ARHGEF3: variants seen among roughly 807,000 people sequenced by gnomAD.
ARHGEF3 encodes the protein Rho guanine nucleotide exchange factor 3, also known as 59.8 kDA protein.
In ARHGEF3, 28 loss-of-function variants were observed where a neutral mutation model predicts 63.2. The ratio of observed to expected loss-of-function variants is 0.44; its 90% CI spans 0.33 to 0.61. The LOEUF (loss-of-function observed/expected upper bound fraction) is 0.61. Ranked by LOEUF, ARHGEF3 falls within the 20% of genes least tolerant of loss-of-function variation. The pLI, the probability that ARHGEF3 is intolerant of heterozygous loss-of-function variation, is 0.03. For synonymous variants in ARHGEF3, 266 were observed against 254.2 expected (o/e 1.05, Z -0.44); for missense variants, 533 against 659.3 (o/e 0.81, Z 2.10).
chr3:56,801,742 C>A lies in ARHGEF3; in HGVS notation c.57G>T (p.Leu19=). 6.4e-7 allele frequency: 1 copy of A among 1,569,252 alleles called. No homozygotes were observed. The highest frequency in any genetic ancestry group is 2.3e-5 in the East Asian group (1 of 42,906). The change falls in exon 1 of 10, where the codon CTG becomes CTT. Residue 19 remains leucine, a synonymous_variant. Transcript: ENST00000296315. ...CCGGACCGCTGGCCGGGGGTAGCTC[C>A]AGGCTGCAGTTCGCTCTCTTGACCG... The part of the protein sequence containing the change: ...YLTVKRANCS[L]ELPPASGPAK...
chr3:56,947,142 AG>A (rs1295770823), intron 3 of ARHGEF3, among the ~76,000 whole-genome samples: 1 of 152,240 alleles, frequency 6.6e-6, no homozygotes, highest in Non-Finnish European at 1.5e-5. Flanking sequence ...AAATATGGAA[AG>A]GAACAACCAG....
At chr3:56,802,067 G>T (rs1443759455), upstream of ARHGEF3, 1 of 1,263,612 alleles carries the variant, frequency 7.9e-7, no homozygotes, top group African/African-American at 1.6e-5. Context: ...GCCGCAGCGC[G>T]GACACCTCCT....
chr3:56,806,069 T>C (rs1484249527), upstream of ARHGEF3, among the ~76,000 whole-genome samples: 2 of 152,144 alleles, frequency 1.3e-5, no homozygotes, highest in Non-Finnish European at 2.9e-5. Context: ...CATCAGTATA[T>C]AGGTTAAGGT....
chr3:56,776,555 T>C (rs1429096158), intron 1 of ARHGEF3, among the ~76,000 whole-genome samples: 2 of 152,202 alleles, frequency 1.3e-5, no homozygotes, highest in East Asian at 3.8e-4. Context: ...CTTGAGGCCT[T>C]CTGTGAGAAT....
At chr3:56,788,609 A>G (rs552748942) in intron 1 of ARHGEF3, among the ~76,000 whole-genome samples, 1 of 152,194 alleles carries the variant, frequency 6.6e-6, no homozygotes, top group Admixed American at 6.5e-5. Context: ...GAAGAGCTCA[A>G]AGCAACCTAA....
intron 1 of ARHGEF3, among the ~76,000 whole-genome samples, chr3:56,778,805 G>T (rs2036406709): frequency 3.9e-5 from 6 of 152,064 alleles, no homozygotes; most frequent in Admixed American, 3.9e-4. Flanking sequence ...AAAGTGCTGG[G>T]GATTACAGGG....
chr3:56,996,601 C>A lies in ARHGEF3; in HGVS notation c.63-37712G>T, dbSNP rs986040270. ...TCACAAGATGCTGAATCTGCTGGCA[C>A]CTTGACCTTGGACTTCTCAGCCTCC... is the stretch of plus-strand genomic sequence containing the variant. On this transcript the variant is annotated intron_variant, in intron 2 of 12. Transcript: ENST00000338458. 2.0e-5 allele frequency among the ~76,000 whole-genome samples: 3 copies of A among 152,298 alleles called. No individual in the cohort carries two copies. In the South Asian group the frequency reaches 6.2e-4, roughly 32 times the overall value.
At position 57,055,163 on chromosome 3, in the gene ARHGEF3, CT is replaced by C. The variant is rs71623876; in HGVS notation, c.-27-19988del. ...TGATTTATAAGCTTTTCTCTTTATG[CT>C]TTTTTTTTTTTTTTTGAGACGAAGT... On this transcript the variant is annotated intron_variant, in intron 1 of 12. Coordinates refer to the ARHGEF3 transcript ENST00000338458. 5.2e-3 allele frequency among the ~76,000 whole-genome samples: 703 copies of C among 135,218 alleles called. 5 individuals are homozygous for C. The highest frequency in any genetic ancestry group is 0.012 in the African/African-American group (441 of 37,078). The allele number at this position is 135,218 out of a possible 152,430, so 88.7% of individuals were successfully genotyped here. A position where few individuals can be genotyped will look rare whatever the true frequency, so the allele number is the denominator to read the frequency against.
intron 3 of ARHGEF3, among the ~76,000 whole-genome samples, chr3:56,952,182 T>G (rs1699844272): frequency 6.6e-6 from 1 of 152,016 alleles, no homozygotes; most frequent in African/African-American, 2.4e-5. Context: ...AATTTGGCTC[T>G]TCCTCAAGTC....
At chr3:56,951,639 G>A (rs1002658290) in intron 3 of ARHGEF3, among the ~76,000 whole-genome samples, 6 of 151,900 alleles carry the variant, frequency 3.9e-5, no homozygotes, top group African/African-American at 1.5e-4. Context: ...TTATTAGTTA[G>A]AATGCACAAT....
At chr3:57,005,783 C>T (rs763655738) in intron 2 of ARHGEF3, among the ~76,000 whole-genome samples, 2 of 152,172 alleles carry the variant, frequency 1.3e-5, no homozygotes, top group East Asian at 1.9e-4. Flanking sequence ...GCTGGGCACC[C>T]GGCAGAGGGC....
chr3:56,824,840 T>C (rs2038651760), intron 4 of ARHGEF3, among the ~76,000 whole-genome samples: 1 of 152,222 alleles, frequency 6.6e-6, no homozygotes, highest in African/African-American at 2.4e-5. Context: ...TTATAGCCCA[T>C]CATTAAGAGC....
chr3:56,920,116 T>C (rs1262413566), intron 3 of ARHGEF3, among the ~76,000 whole-genome samples: 2 of 152,196 alleles, frequency 1.3e-5, no homozygotes, highest in African/African-American at 4.8e-5. Flanking sequence ...GAGAGAAATG[T>C]TAAAAGGGGG....
intron 4 of ARHGEF3, among the ~76,000 whole-genome samples, chr3:56,835,550 A>G (rs2039080829): frequency 6.6e-6 from 1 of 152,208 alleles, no homozygotes; most frequent in South Asian, 2.1e-4. Flanking sequence ...AAGACATGCT[A>G]AATAATATGC....
In ARHGEF3 at chr3:57,010,056, G is replaced by A. The variant is rs115682496; in HGVS notation, c.62+25032C>T. On this transcript the variant is annotated intron_variant, in intron 2 of 12. Coordinates refer to the ARHGEF3 transcript ENST00000338458. ...TCTGAGCCCGGGCTTCTGACCTCAG[G>A]GCTTTCTCCTGTCTCTTTTTAACAT... is the stretch of plus-strand genomic sequence containing the variant. Among the ~76,000 whole-genome samples, 1,483 of 152,176 alleles carry A rather than the reference G, an allele frequency of 9.7e-3. 31 individuals carry two copies. The highest frequency in any genetic ancestry group is 0.034 in the African/African-American group (1,391 of 41,502).
chr3:56,969,745 T>G (rs1700824337), intron 2 of ARHGEF3, among the ~76,000 whole-genome samples: 1 of 101,964 alleles, frequency 9.8e-6, no homozygotes, highest in African/African-American at 2.9e-5. Context: ...AGAGTGAGAC[T>G]CCGTATCAAA....
At chr3:57,074,538 A>C in intron 1 of ARHGEF3, 1 of 462,532 alleles carries the variant, frequency 2.2e-6, no homozygotes, top group Non-Finnish European at 4.0e-6. Flanking sequence ...GGGAACCTTC[A>C]CTGTATTAAA....
intron 3 of ARHGEF3, among the ~76,000 whole-genome samples, chr3:56,909,745 C>G (rs1446018791): frequency 2.0e-5 from 3 of 152,184 alleles, no homozygotes; most frequent in Non-Finnish European, 4.4e-5. Context: ...TTAACACCCT[C>G]CACTCCCAGC....
At chr3:56,860,093 TAAAC>T (rs879735223) in intron 4 of ARHGEF3, among the ~76,000 whole-genome samples, 16 of 152,222 alleles carry the variant, frequency 1.1e-4, no homozygotes, top group East Asian at 7.7e-4. Context: ...AAAATTAATA[TAAAC>T]AAACAATTTA....
Sources: allele counts gnomAD v4.1 joint callset (sites outside exome capture counted in the v4.1 genomes callset), GRCh38; gene constraint gnomAD v4.1.1; transcripts MANE v1.5; gene names NCBI Gene and HGNC (gene_info 2026-07-23, HGNC 2026-07-21).